Variants in MAF observed in about 807,000 individuals in gnomAD.
MAF encodes the protein MAF bZIP transcription factor.
Under a neutral mutation model 22.0 loss-of-function variants are expected in MAF, and 10 were observed. The observed-to-expected ratio is 0.45, with a 90% CI of 0.28 to 0.77. The LOEUF (loss-of-function observed/expected upper bound fraction) is 0.77, where lower values mean the gene tolerates loss of function less well. Among genes scored for constraint, MAF ranks in the 30% least tolerant of loss-of-function variants. The pLI, the probability that MAF is intolerant of heterozygous loss-of-function variation, is 0.12. For missense variants in MAF, 544 were observed against 548.4 expected (o/e 0.99, Z 0.08); for synonymous variants, 337 against 255.8 (o/e 1.32, Z -3.03).
chr16:79,204,578 G>C, the MAF span: 3 of 152,250 alleles, frequency 2.0e-5, no homozygotes. Flanking sequence ...TCTGGAACAC[G>C]AAGGAGGTAT....
the MAF span, among the ~76,000 whole-genome samples, chr16:79,425,000 T>C: frequency 6.6e-6 from 1 of 152,280 alleles, no homozygotes. Flanking sequence ...TCTGATGCTC[T>C]TTGCTTAGAG....
chr16:79,220,722 G>T, the MAF span, among the ~76,000 whole-genome samples: 1 of 152,150 alleles, frequency 6.6e-6, no homozygotes, highest in Non-Finnish European at 1.5e-5. Flanking sequence ...CAAACAACAT[G>T]AAAATATTTA....
chr16:79,455,376 T>A, the MAF span, among the ~76,000 whole-genome samples: 2 of 152,158 alleles, frequency 1.3e-5, no homozygotes, highest in Non-Finnish European at 2.9e-5. Context: ...AATTATTAGG[T>A]GCTCTGAATA....
chr16:79,577,271 G>A, the MAF span, among the ~76,000 whole-genome samples: 523 of 152,174 alleles, frequency 3.4e-3, 1 homozygote, highest in Non-Finnish European at 5.8e-3. Context: ...TGACAAAGAC[G>A]GAGAGGAGGG....
At chr16:79,339,297 G>C in the MAF span, among the ~76,000 whole-genome samples, 3 of 152,276 alleles carry the variant, frequency 2.0e-5, no homozygotes, top group East Asian at 5.8e-4. Flanking sequence ...CTGACCTCAT[G>C]ATCCGCCTGC....
chr16:79,366,568 T>A, the MAF span, among the ~76,000 whole-genome samples: 3 of 152,198 alleles, frequency 2.0e-5, no homozygotes, highest in Non-Finnish European at 4.4e-5. Flanking sequence ...TGCAGTTAGG[T>A]GTACCTGTGT....
the MAF span, among the ~76,000 whole-genome samples, chr16:79,409,720 G>A: frequency 6.6e-6 from 1 of 152,230 alleles, no homozygotes; most frequent in Non-Finnish European, 1.5e-5. Flanking sequence ...GGAGGAGGAA[G>A]AGGGTGTGAA....
the MAF span, among the ~76,000 whole-genome samples, chr16:79,449,524 T>C: frequency 3.9e-5 from 6 of 152,162 alleles, no homozygotes; most frequent in African/African-American, 1.4e-4. Flanking sequence ...CTAGAGAAAT[T>C]AAAATATCAC....
At chr16:79,282,011 A>C in the MAF span, among the ~76,000 whole-genome samples, 10 of 152,064 alleles carry the variant, frequency 6.6e-5, no homozygotes, top group Non-Finnish European at 1.2e-4. Flanking sequence ...TGAAGGTAAG[A>C]GTTAAAAAAG....
At chr16:79,518,117 T>G in the MAF span, among the ~76,000 whole-genome samples, 2 of 152,228 alleles carry the variant, frequency 1.3e-5, no homozygotes, top group Non-Finnish European at 2.9e-5. Flanking sequence ...TCAACCGTGC[T>G]ATGACACAGC....
chr16:79,398,655 T>G, the MAF span, among the ~76,000 whole-genome samples: 1 of 152,060 alleles, frequency 6.6e-6, no homozygotes, highest in South Asian at 2.1e-4. Context: ...GTGTGTTGCA[T>G]GCTACATTGA....
the MAF span, among the ~76,000 whole-genome samples, chr16:79,340,477 C>A: frequency 6.6e-6 from 1 of 151,352 alleles, no homozygotes; most frequent in South Asian, 2.1e-4. Flanking sequence ...ACAAAGTAGT[C>A]AAGGCCATGC....
chr16:79,431,840 G>A, the MAF span, among the ~76,000 whole-genome samples: 3 of 152,202 alleles, frequency 2.0e-5, no homozygotes, highest in Non-Finnish European at 4.4e-5. Context: ...CATGGCAAGT[G>A]AATGCTCAGC....
chr16:79,380,279 T>A, the MAF span, among the ~76,000 whole-genome samples: 1 of 152,324 alleles, frequency 6.6e-6, no homozygotes, highest in African/African-American at 2.4e-5. Flanking sequence ...AATCCTCAGT[T>A]TCTTCATGTA....
chr16:79,404,288 G>A, the MAF span, among the ~76,000 whole-genome samples: 4 of 150,526 alleles, frequency 2.7e-5, no homozygotes, highest in South Asian at 2.1e-4. Flanking sequence ...CTCAGCCTCC[G>A]GAGTAGCTGG....
chr16:79,576,301 A>G, the MAF span, among the ~76,000 whole-genome samples: 1 of 151,354 alleles, frequency 6.6e-6, no homozygotes. Flanking sequence ...AGTGCCCCAT[A>G]CAATGTGAAT....
the MAF span, among the ~76,000 whole-genome samples, chr16:79,340,142 G>T: frequency 6.6e-6 from 1 of 152,148 alleles, no homozygotes; most frequent in African/African-American, 2.4e-5. Context: ...GTTCCGGGAG[G>T]TCAGGGACGG....
the MAF span, among the ~76,000 whole-genome samples, chr16:79,548,234 A>G: frequency 6.6e-6 from 1 of 152,180 alleles, no homozygotes; most frequent in Non-Finnish European, 1.5e-5. Context: ...TCTAAATATC[A>G]TATATATTTC....
chr16:79,324,539 A>G, the MAF span, among the ~76,000 whole-genome samples: 1 of 152,168 alleles, frequency 6.6e-6, no homozygotes, highest in Non-Finnish European at 1.5e-5. Context: ...TACAATGACC[A>G]TATAAGCAAG....
Sources: gnomAD v4.1 joint callset for allele counts (sites outside exome capture counted in the v4.1 genomes callset) on GRCh38, gnomAD v4.1.1 for gene constraint, MANE v1.5 for transcripts, NCBI Gene and HGNC (gene_info 2026-07-23, HGNC 2026-07-21) for gene names.